The following TRIM24 variants were observed in gnomAD, a reference collection of about 807,000 sequenced individuals.
TRIM24 encodes transcription intermediary factor 1-alpha.
TRIM24 carries 29 observed loss-of-function variants against 123.9 expected under a neutral mutation model. The ratio of observed to expected loss-of-function variants is 0.23; its 90% CI spans 0.17 to 0.32. The LOEUF is 0.32. Ranked by LOEUF, TRIM24 falls within the 10% of genes least tolerant of loss-of-function variation. The pLI is 1.00. For synonymous variants in TRIM24, 456 were observed against 461.1 expected (o/e 0.99, Z 0.14); for missense variants, 932 against 1,295.3 (o/e 0.72, Z 4.31).
At chr7:138,516,733 T>C (rs1271180125) in intron 3 of TRIM24, among the ~76,000 whole-genome samples, 1 of 152,178 alleles carries the variant, frequency 6.6e-6, no homozygotes, top group Non-Finnish European at 1.5e-5. Context: ...TCCTTTGATA[T>C]CTAACTTATT....
At chr7:138,470,497 C>G (rs945337634) in intron 1 of TRIM24, among the ~76,000 whole-genome samples, 4 of 152,094 alleles carry the variant, frequency 2.6e-5, no homozygotes, top group African/African-American at 9.7e-5. Flanking sequence ...AAATGTCTGT[C>G]AAAAAATAGA....
intron 1 of TRIM24, among the ~76,000 whole-genome samples, chr7:138,500,337 A>G (rs1268874540): frequency 1.3e-5 from 2 of 152,010 alleles, no homozygotes; most frequent in East Asian, 3.9e-4. Flanking sequence ...AGACAGGCGG[A>G]TTGCTTGAGG....
At chr7:138,565,454 G>A (rs1162612327) in intron 9 of TRIM24, among the ~76,000 whole-genome samples, 1 of 152,152 alleles carries the variant, frequency 6.6e-6, no homozygotes, top group Non-Finnish European at 1.5e-5. Flanking sequence ...GTGCTGTCAG[G>A]TAGGGTCAAG....
At position 138,513,032 on chromosome 7, in the gene TRIM24, T is replaced by C. The variant is rs146487748; in HGVS notation, c.484-2180T>C. On this transcript the variant is annotated intron_variant, in intron 2 of 18. Transcript: ENST00000343526. ...CTTAGAAACCAGATACTCTAAATAA[T>C]CTCTCAGATTCAGAGTTCCACAGAT... Among the ~76,000 whole-genome samples the C allele has an allele frequency of 3.8e-4, 58 of 152,204 alleles. No homozygotes were observed. In the East Asian group the frequency reaches 8.5e-3, roughly 22 times the overall value.
chr7:138,504,024 C>T (rs938068902), intron 1 of TRIM24, among the ~76,000 whole-genome samples: 3 of 152,090 alleles, frequency 2.0e-5, no homozygotes, highest in African/African-American at 7.2e-5. Flanking sequence ...AGTTGCTAAA[C>T]AGTAAAAGCA....
intron 2 of TRIM24, among the ~76,000 whole-genome samples, chr7:138,508,700 C>CGCGCGCGCGCGCGCGCGTGTGT (rs1182276337): frequency 2.8e-5 from 1 of 35,510 alleles, no homozygotes; most frequent in Admixed American, 2.9e-4. Flanking sequence ...TGTGCGCGCG[C>CGCGCGCGCGCGCGCGCGTGTGT]GTGTGTGCGT....
At chr7:138,573,396 G>A in intron 11 of TRIM24, 111 bp from the exon 12 acceptor site, 2 of 1,040,470 alleles carry the variant, frequency 1.9e-6, no homozygotes, top group Non-Finnish European at 2.6e-6. Flanking sequence ...TGGTATCTAT[G>A]TTTTGTTATT....
chr7:138,464,386 A>G (rs1001313066), intron 1 of TRIM24, among the ~76,000 whole-genome samples: 1 of 151,938 alleles, frequency 6.6e-6, no homozygotes, highest in African/African-American at 2.4e-5. Flanking sequence ...AGGCATCACA[A>G]GTCAAGTAAT....
At chr7:138,574,335 A>G (rs1330760466) in intron 12 of TRIM24, among the ~76,000 whole-genome samples, 1 of 152,232 alleles carries the variant, frequency 6.6e-6, no homozygotes, top group African/African-American at 2.4e-5. Flanking sequence ...CTGAGGACGT[A>G]GGTACCTTAA....
In TRIM24 at chr7:138,579,186, A is replaced by AT. The variant is rs747780614; in HGVS notation, c.2257-10dup. 9.1e-6 allele frequency: 14 copies of AT among 1,534,106 alleles called. No individual in the cohort carries two copies. Among genetic ancestry groups the AT allele is most frequent in the African/African-American group, 5.6e-5 (4 of 71,774 alleles). On this transcript the variant is annotated splice_polypyrimidine_tract_variant and intron_variant, in intron 14 of 18. Transcript: ENST00000343526. ...ATTTTTTTTAAAGCCAGTTAAATAT[A>AT]TTTTTTTTCTACTACAGGCCAATTA...
At chr7:138,530,637 T>A (rs950273294) in intron 6 of TRIM24, among the ~76,000 whole-genome samples, 10 of 146,698 alleles carry the variant, frequency 6.8e-5, no homozygotes, top group Non-Finnish European at 1.2e-4. Flanking sequence ...TGGCTAATAT[T>A]TTTTTTTTTT....
At chr7:138,549,360 A>G (rs1797164678) in intron 7 of TRIM24, among the ~76,000 whole-genome samples, 1 of 152,172 alleles carries the variant, frequency 6.6e-6, no homozygotes, top group Non-Finnish European at 1.5e-5. Flanking sequence ...GAGAGAGGAA[A>G]TCACCAACAA....
Position 138,587,443 on chromosome 7 carries a change from C to G in TRIM24, c.*2492C>G, listed in dbSNP as rs1584754298. 6.6e-6 allele frequency: 1 copy of G among 152,184 alleles called. No individual in the cohort carries two copies. Among genetic ancestry groups the G allele is most frequent in the Non-Finnish European group, 1.5e-5 (1 of 68,050 alleles). 9.4% of individuals were successfully genotyped at this position (152,184 alleles called of 1,614,324 possible). A position where few individuals can be genotyped will look rare whatever the true frequency, so the allele number is the denominator to read the frequency against. On this transcript the variant is annotated 3_prime_UTR_variant, in exon 19 of 19. Transcript: ENST00000343526. ...ATCCTTTGACTTTATTAATAAGTAC[C>G]TGTGTGCCCAGGTGGATCTCAGCTA...
At chr7:138,495,931 C>T (rs1013640096) in intron 1 of TRIM24, among the ~76,000 whole-genome samples, 1 of 152,148 alleles carries the variant, frequency 6.6e-6, no homozygotes, top group Non-Finnish European at 1.5e-5. Context: ...ATGTCTGTTT[C>T]TGGACTCTAT....
chr7:138,589,532 T>TA lies in TRIM24; in HGVS notation c.*4583dup, dbSNP rs1584755083. On this transcript the variant is annotated 3_prime_UTR_variant, in exon 19 of 19. Transcript: ENST00000343526. ...CAAGCTACTAGTCCATAAATAGCTG[T>TA]AATAGGAAAACAGTTTTTTAAAATT... 2 of 152,180 alleles carry TA rather than the reference T, an allele frequency of 1.3e-5. No individual in the cohort carries two copies. Among genetic ancestry groups the TA allele is most frequent in the Non-Finnish European group, 2.9e-5 (2 of 68,034 alleles). The allele number at this position is 152,180 out of a possible 1,614,324, so 9.4% of individuals were successfully genotyped here. A position where few individuals can be genotyped will look rare whatever the true frequency, so the allele number is the denominator to read the frequency against.
At chr7:138,499,759 G>A (rs1251107646) in intron 1 of TRIM24, among the ~76,000 whole-genome samples, 1 of 151,964 alleles carries the variant, frequency 6.6e-6, no homozygotes, top group Admixed American at 6.6e-5. Context: ...CTGGAGCACT[G>A]CCCTGTACAT....
chr7:138,583,334 T>C (rs928040463), intron 17 of TRIM24, among the ~76,000 whole-genome samples: 3 of 152,180 alleles, frequency 2.0e-5, no homozygotes, highest in Admixed American at 1.3e-4. Flanking sequence ...TTAAAAATAA[T>C]TGGGGCTGGG....
At chr7:138,552,648 G>A (rs1797236113) in intron 8 of TRIM24, among the ~76,000 whole-genome samples, 1 of 152,088 alleles carries the variant, frequency 6.6e-6, no homozygotes, top group South Asian at 2.1e-4. Context: ...AAAAGAAAAT[G>A]GCTGGAGAAA....
rs548197528 is a variant in TRIM24 at position 138,520,730 on chromosome 7, A to G, written c.764+1409A>G. Among the ~76,000 whole-genome samples, 8 of 152,298 alleles carry G rather than the reference A, an allele frequency of 5.3e-5. No individual in the cohort carries two copies. The East Asian group carries it at 1.5e-3, about 29-fold the overall frequency. On this transcript the variant is annotated intron_variant, in intron 4 of 18. Transcript: ENST00000343526. Reference sequence around the variant, plus strand: ...CTAAAAATTACAGTAACTGAAATTAACTCAGTAGAAGGGCTTAAGAACAGA... The same window carrying G: ...CTAAAAATTACAGTAACTGAAATTAGCTCAGTAGAAGGGCTTAAGAACAGA...
Sources: allele counts gnomAD v4.1 joint callset (sites outside exome capture counted in the v4.1 genomes callset), GRCh38; gene constraint gnomAD v4.1.1; transcripts MANE v1.5; gene names NCBI Gene and HGNC (gene_info 2026-07-23, HGNC 2026-07-21).